UNC5C: variants seen among roughly 807,000 people sequenced by gnomAD.
The protein encoded by UNC5C is unc-5 netrin receptor C.
Under a neutral mutation model 99.8 loss-of-function variants are expected in UNC5C, and 47 were observed. That is an observed-to-expected ratio of 0.47 (90% CI 0.37 to 0.60). The LOEUF (loss-of-function observed/expected upper bound fraction) is 0.60. UNC5C is among the 20% of genes least tolerant of loss of function. UNC5C has a pLI of 0.00. For missense variants in UNC5C, 1,062 were observed against 1,165.9 expected, an observed-to-expected ratio of 0.91 and a Z score of 1.30; for synonymous variants, 487 against 452.2, an observed-to-expected ratio of 1.08 and a Z score of -0.98.
intron 10 of UNC5C, among the ~76,000 whole-genome samples, chr4:95,207,291 G>A (rs1407950001): frequency 1.3e-5 from 2 of 152,062 alleles, no homozygotes; most frequent in African/African-American, 4.8e-5. Flanking sequence ...ATGACTTTCA[G>A]GAATAATTTA....
chr4:95,182,868 CT>C (rs1182030072), intron 14 of UNC5C, 28 bp downstream of exon 14: 2 of 1,595,880 alleles, frequency 1.3e-6, no homozygotes, highest in Non-Finnish European at 1.7e-6. Context: ...GCACTCTCCC[CT>C]GATTTCAGAC....
intron 2 of UNC5C, among the ~76,000 whole-genome samples, chr4:95,317,472 A>T (rs1241824093): frequency 7.2e-6 from 1 of 138,972 alleles, no homozygotes; most frequent in Non-Finnish European, 1.5e-5. Context: ...GTGTAAAGGA[A>T]ATTATAAAGT....
intron 1 of UNC5C, among the ~76,000 whole-genome samples, chr4:95,547,409 CCTCT>C (rs1723099717): frequency 6.6e-6 from 1 of 152,174 alleles, no homozygotes; most frequent in Non-Finnish European, 1.5e-5. Flanking sequence ...ACCCCCAGCG[CCTCT>C]CTAAGATCAG....
At chr4:95,298,527 G>A (rs971843720) in intron 3 of UNC5C, among the ~76,000 whole-genome samples, 1 of 152,016 alleles carries the variant, frequency 6.6e-6, no homozygotes, top group African/African-American at 2.4e-5. Context: ...TGTGCCAGCC[G>A]CTGTCCCCTC....
chr4:95,399,261 GATTA>G (rs576433231), intron 1 of UNC5C, among the ~76,000 whole-genome samples: 371 of 152,270 alleles, frequency 2.4e-3, no homozygotes, highest in African/African-American at 8.6e-3. Context: ...ACTAAGACAT[GATTA>G]AATACCAATT....
intron 2 of UNC5C, among the ~76,000 whole-genome samples, chr4:95,316,741 A>C (rs2149410871): frequency 6.6e-6 from 1 of 152,290 alleles, no homozygotes; most frequent in Non-Finnish European, 1.5e-5. Context: ...TCTATACTTA[A>C]ATAATATAGA....
chr4:95,182,927 C>G lies in UNC5C; in HGVS notation c.2421G>C (p.Gln807His). Residue 807 changes from glutamine to histidine, a missense_variant, in exon 14 of 16, where the codon CAG becomes CAC. Physicochemically the swap from Gln to His is conservative, Grantham distance 24. This residue lies in a region of UNC5C where 810 missense variants were observed against 854.5 expected (regional missense o/e 0.95). Coordinates refer to ENST00000453304, the MANE Select transcript of UNC5C (RefSeq NM_003728.4). ...ACACGGTGCAGTTGAGCTGGAAGAT[C>G]TGCCCTTCTCCTTCCACCTGCCGCA... ...LCVRQVEGEG[Q>H]IFQLNCTVSE... 6.2e-7 allele frequency: 1 copy of G among 1,613,692 alleles called. No individual in the cohort carries two copies. The highest frequency in any genetic ancestry group is 8.5e-7 in the Non-Finnish European group (1 of 1,179,694).
At chr4:95,502,743 T>G (rs1379737459) in intron 1 of UNC5C, among the ~76,000 whole-genome samples, 2 of 152,200 alleles carry the variant, frequency 1.3e-5, no homozygotes, top group South Asian at 2.1e-4. Flanking sequence ...TTTTATTGTA[T>G]GAAAATCTTA....
rs138360544 is a variant in UNC5C at position 95,472,518 on chromosome 4, C to T, written c.124+76216G>A. On this transcript the variant is annotated intron_variant, in intron 1 of 15. Transcript: ENST00000453304. ...TCTTTTTCATGTATTTAAATATCAT[C>T]TGTCTTTAAAGTGAGCACATGAAAA... is the stretch of plus-strand genomic sequence containing the variant. Among the ~76,000 whole-genome samples the T allele has an allele frequency of 5.3e-4, 81 of 152,134 alleles. No homozygotes were observed. In the East Asian group the frequency reaches 0.015, roughly 29 times the overall value.
intron 1 of UNC5C, among the ~76,000 whole-genome samples, chr4:95,346,144 C>T (rs565910929): frequency 1.3e-5 from 2 of 151,978 alleles, no homozygotes; most frequent in South Asian, 4.2e-4. Context: ...TTGGAGTCTA[C>T]TGTGAGCAAC....
intron 1 of UNC5C, among the ~76,000 whole-genome samples, chr4:95,371,491 C>A (rs1455683503): frequency 4.6e-5 from 7 of 151,190 alleles, no homozygotes; most frequent in African/African-American, 1.7e-4. Context: ...TAGGAAGATG[C>A]AGCATAATCT....
intron 12 of UNC5C, 121 bp downstream of exon 12, chr4:95,202,610 C>T (rs1737719891): frequency 4.2e-6 from 4 of 952,624 alleles, no homozygotes; most frequent in Admixed American, 2.5e-5. Flanking sequence ...CCTTTTGGGC[C>T]AAACACGTGT....
chr4:95,181,517 G>T (rs938330643), intron 14 of UNC5C, among the ~76,000 whole-genome samples: 19 of 152,072 alleles, frequency 1.2e-4, no homozygotes, highest in African/African-American at 3.4e-4. Flanking sequence ...TGTCACTGGA[G>T]CTGGGTGGTT....
intron 12 of UNC5C, among the ~76,000 whole-genome samples, chr4:95,188,825 C>T (rs1357120275): frequency 1.3e-5 from 2 of 152,130 alleles, no homozygotes; most frequent in African/African-American, 4.8e-5. Flanking sequence ...AGGTCTGGAG[C>T]ACACAGACAA....
intron 1 of UNC5C, among the ~76,000 whole-genome samples, chr4:95,394,758 G>A (rs931658736): frequency 6.6e-6 from 1 of 151,360 alleles, no homozygotes; most frequent in African/African-American, 2.4e-5. Context: ...ATGCTTTGCT[G>A]CAAGACACCA....
Position 95,169,313 on chromosome 4 carries a change from A to G in UNC5C, c.2717T>C (p.Leu906Pro). The G allele has an allele frequency of 9.3e-6, 15 of 1,614,198 alleles. No individual in the cohort carries two copies. Among genetic ancestry groups the G allele is most frequent in the Non-Finnish European group, 1.3e-5 (15 of 1,180,042 alleles). ...TTCCAAGACAGCTGCCAGCATGCTC[A>G]GGTTTCCATCTGGGAAGTTCTGTGC... Reference protein sequence around the residue: ...WEAQNFPDGNLSMLAAVLEEM... With the variant: ...WEAQNFPDGNPSMLAAVLEEM... The change falls in exon 16 of 16, where the codon CTG (leucine) becomes CCG (proline). Residue 906 changes from leucine to proline, a missense_variant. By Grantham distance (98) the Leu-to-Pro change is moderately conservative (BLOSUM62 -3). Around this residue, in one of 3 missense-constraint regions of UNC5C, gnomAD observed 810 missense variants for 854.5 expected, o/e 0.95. Coordinates refer to ENST00000453304, the MANE Select transcript of UNC5C (RefSeq NM_003728.4).
rs532423136 is a variant in UNC5C, at chr4:95,231,290, C to T, written c.1109-11114G>A. On this transcript the variant is annotated intron_variant, in intron 7 of 15. Transcript: ENST00000453304. ...GAGCTGCTTCTATGACCTTAATACC[C>T]GTAAATAGATTTTAGGATACTGTGG... 1.5e-4 allele frequency among the ~76,000 whole-genome samples: 23 copies of T among 152,022 alleles called. No homozygotes were observed. In the East Asian group the frequency reaches 1.9e-3, roughly 13 times the overall value.
intron 1 of UNC5C, among the ~76,000 whole-genome samples, chr4:95,387,393 G>A (rs937414722): frequency 2.0e-5 from 3 of 152,108 alleles, no homozygotes; most frequent in Non-Finnish European, 4.4e-5. Flanking sequence ...TCTCTCCTAG[G>A]CCTCCCAAAG....
chr4:95,511,572 A>G (rs550075463), intron 1 of UNC5C, among the ~76,000 whole-genome samples: 2 of 152,246 alleles, frequency 1.3e-5, no homozygotes, highest in East Asian at 3.9e-4. Flanking sequence ...ACATCTCTTC[A>G]CTTAGTAGGT....
Sources: allele counts gnomAD v4.1 joint callset (sites outside exome capture counted in the v4.1 genomes callset), GRCh38; gene constraint gnomAD v4.1.1; regional missense constraint gnomAD v4.1.1; transcripts MANE v1.5; gene names NCBI Gene and HGNC (gene_info 2026-07-23, HGNC 2026-07-21).